The following GRIA1 variants were observed in gnomAD, a reference collection of about 807,000 sequenced individuals.
GRIA1 encodes glutamate ionotropic receptor AMPA type subunit 1.
In GRIA1, 31 loss-of-function variants were observed where a neutral mutation model predicts 99.2. That is an observed-to-expected ratio of 0.31 (90% CI 0.23 to 0.42). The LOEUF is 0.42. Ranked by LOEUF, GRIA1 falls within the 10% of genes least tolerant of loss-of-function variation. GRIA1 has a pLI of 1.00. For missense variants in GRIA1, 782 were observed against 1,157.5 expected, an observed-to-expected ratio of 0.68 and a Z score of 4.71; for synonymous variants, 438 against 432.4, an observed-to-expected ratio of 1.01 and a Z score of -0.16.
At chr5:153,699,683 G>T (rs964303445) in intron 10 of GRIA1, among the ~76,000 whole-genome samples, 3 of 151,984 alleles carry the variant, frequency 2.0e-5, no homozygotes, top group South Asian at 2.1e-4. Flanking sequence ...GAATTTAGTT[G>T]CTGGTTTTTT....
intron 11 of GRIA1, among the ~76,000 whole-genome samples, chr5:153,748,644 A>G (rs895456885): frequency 6.6e-6 from 1 of 152,114 alleles, no homozygotes; most frequent in African/African-American, 2.4e-5. Flanking sequence ...TACTATCTGG[A>G]ATGCTGCCTA....
chr5:153,630,092 C>T (rs750300217), intron 2 of GRIA1, among the ~76,000 whole-genome samples: 2 of 152,054 alleles, frequency 1.3e-5, no homozygotes, highest in Non-Finnish European at 2.9e-5. Flanking sequence ...TGTTTTAGTC[C>T]CTCTTTTGTT....
intron 2 of GRIA1, among the ~76,000 whole-genome samples, chr5:153,558,504 A>G (rs1435269022): frequency 3.3e-5 from 5 of 151,998 alleles, no homozygotes; most frequent in Non-Finnish European, 5.9e-5. Context: ...TAGCCTTTGC[A>G]TTCTGGCTTC....
chr5:153,636,436 T>G (rs1019110461), intron 2 of GRIA1, among the ~76,000 whole-genome samples: 3 of 152,170 alleles, frequency 2.0e-5, no homozygotes, highest in Non-Finnish European at 4.4e-5. Flanking sequence ...TAAATAAAGT[T>G]TTATTGAAAC....
chr5:153,690,730 G>A (rs1757683444), intron 8 of GRIA1, among the ~76,000 whole-genome samples: 1 of 152,186 alleles, frequency 6.6e-6, no homozygotes, highest in Non-Finnish European at 1.5e-5. Context: ...GCAAATGGTT[G>A]TGCTTTAGTT....
intron 5 of GRIA1, among the ~76,000 whole-genome samples, chr5:153,659,422 A>G (rs1755196888): frequency 6.6e-6 from 1 of 152,312 alleles, no homozygotes; most frequent in African/African-American, 2.4e-5. Context: ...CCTGGAACAC[A>G]CAAGTGCTGA....
intron 1 of GRIA1, 183 bp downstream of exon 1, chr5:153,491,153 GA>G: frequency 1.0e-6 from 1 of 962,438 alleles, no homozygotes; most frequent in Non-Finnish European, 1.5e-6. Context: ...CTGATCGGAT[GA>G]GGGGCAGAGG....
At chr5:153,655,365 A>G (rs989295794) in intron 4 of GRIA1, among the ~76,000 whole-genome samples, 1 of 152,144 alleles carries the variant, frequency 6.6e-6, no homozygotes, top group East Asian at 1.9e-4. Flanking sequence ...TCCACCATCC[A>G]TCTATTAACT....
chr5:153,666,909 C>G (rs1464484702), intron 5 of GRIA1, among the ~76,000 whole-genome samples: 1 of 152,154 alleles, frequency 6.6e-6, no homozygotes, highest in Non-Finnish European at 1.5e-5. Flanking sequence ...CCATCTCTTC[C>G]CCATGACAAC....
At chr5:153,699,661 C>G (rs1027768529) in intron 10 of GRIA1, among the ~76,000 whole-genome samples, 1 of 152,066 alleles carries the variant, frequency 6.6e-6, no homozygotes, top group Non-Finnish European at 1.5e-5. Flanking sequence ...ATTGTTCTCG[C>G]CTTCCCCTAT....
At chr5:153,670,944 C>T (rs1033730939) in intron 5 of GRIA1, among the ~76,000 whole-genome samples, 1 of 152,122 alleles carries the variant, frequency 6.6e-6, no homozygotes, top group Non-Finnish European at 1.5e-5. Flanking sequence ...TTATTCCCAG[C>T]ATGAAATCTG....
At chr5:153,755,010 G>T (rs1221608462) in intron 11 of GRIA1, among the ~76,000 whole-genome samples, 3 of 152,168 alleles carry the variant, frequency 2.0e-5, no homozygotes, top group Non-Finnish European at 4.4e-5. Context: ...ATGAATAGGG[G>T]CTGATGCATT....
At chr5:153,674,742 A>G in intron 6 of GRIA1, 81 bp downstream of exon 6, 3 of 1,400,916 alleles carry the variant, frequency 2.1e-6, no homozygotes, top group East Asian at 2.3e-5. Context: ...ATTAGTCTTT[A>G]CAAAGGAATC....
chr5:153,559,951 C>T (rs999718126), intron 2 of GRIA1, among the ~76,000 whole-genome samples: 2 of 152,096 alleles, frequency 1.3e-5, no homozygotes, highest in Non-Finnish European at 2.9e-5. Context: ...TTGCCTCCTT[C>T]CATTTGGCTT....
intron 2 of GRIA1, among the ~76,000 whole-genome samples, chr5:153,636,602 C>T (rs1233501499): frequency 6.6e-6 from 1 of 152,186 alleles, no homozygotes; most frequent in Non-Finnish European, 1.5e-5. Context: ...TTTGCCTATA[C>T]CTGGCATAGA....
Position 153,646,872 on chromosome 5 carries a change from G to A in GRIA1, c.221-56G>A, listed in dbSNP as rs540207381. On this transcript the variant is annotated intron_variant, in intron 2 of 15. Coordinates refer to ENST00000285900, the MANE Select transcript of GRIA1 (RefSeq NM_000827.4). Reference sequence around the variant, plus strand: ...AACTAGTGGATGGATTCATTTTGGAGTCATCTGACCACTTTTTGCAGTCTT... The same window carrying A: ...AACTAGTGGATGGATTCATTTTGGAATCATCTGACCACTTTTTGCAGTCTT... 3.8e-6 allele frequency: 6 copies of A among 1,587,716 alleles called. No individual in the cohort carries two copies. In the African/African-American group the frequency reaches 4.0e-5, roughly 11 times the overall value.
Position 153,813,041 on chromosome 5 carries a change from A to G in GRIA1, c.*1816A>G, listed in dbSNP as rs1004733891. 15 of 152,334 alleles carry G rather than the reference A, an allele frequency of 9.8e-5. No individual in the cohort carries two copies. Among genetic ancestry groups the G allele is most frequent in the African/African-American group, 3.6e-4 (15 of 41,576 alleles). 9.4% of individuals were successfully genotyped at this position (152,334 alleles called of 1,614,324 possible). A position where few individuals can be genotyped will look rare whatever the true frequency, so the allele number is the denominator to read the frequency against. On this transcript the variant is annotated 3_prime_UTR_variant, in exon 16 of 16. Coordinates refer to ENST00000285900, the MANE Select transcript of GRIA1 (RefSeq NM_000827.4). ...CTGTGGATTCTCTCAGTGGACCCAC[A>G]CCATCTCTATGTCTCTCCACTCTCC...
chr5:153,569,215 A>G (rs550590671), intron 2 of GRIA1, among the ~76,000 whole-genome samples: 15 of 152,310 alleles, frequency 9.8e-5, no homozygotes, highest in African/African-American at 3.1e-4. Flanking sequence ...ATCAGTAAAT[A>G]TTTTGCCTTT....
intron 13 of GRIA1, among the ~76,000 whole-genome samples, chr5:153,775,904 A>G (rs78930328): frequency 6.9e-5 from 1 of 14,490 alleles, no homozygotes; most frequent in Non-Finnish European, 1.2e-4. Flanking sequence ...GCAGAAACGG[A>G]AAAAAAAAAA....
Sources: gnomAD v4.1 joint callset for allele counts (sites outside exome capture counted in the v4.1 genomes callset) on GRCh38, gnomAD v4.1.1 for gene constraint, MANE v1.5 for transcripts, NCBI Gene and HGNC (gene_info 2026-07-23, HGNC 2026-07-21) for gene names.